TMBIM6: variants seen among roughly 807,000 people sequenced by gnomAD.
The protein encoded by TMBIM6 is transmembrane BAX inhibitor motif containing 6, also known as bax inhibitor 1.
Under a neutral mutation model 31.4 loss-of-function variants are expected in TMBIM6, and 13 were observed. The ratio of observed to expected loss-of-function variants is 0.41; its 90% CI spans 0.27 to 0.66. The LOEUF (loss-of-function observed/expected upper bound fraction) is 0.66, where lower values mean the gene tolerates loss of function less well. Among genes scored for constraint, TMBIM6 ranks in the 30% least tolerant of loss-of-function variants. The pLI is 0.28. For synonymous variants in TMBIM6, 85 were observed against 101.7 expected (o/e 0.84, Z 0.99); for missense variants, 275 against 289.5 (o/e 0.95, Z 0.36).
At chr12:49,761,666 T>G (rs1377105005) in intron 8 of TMBIM6, 38 bp from the exon 9 acceptor site, 3 of 1,603,248 alleles carry the variant, frequency 1.9e-6, no homozygotes, top group Admixed American at 1.7e-5. Flanking sequence ...GATAAAAAAG[T>G]CTGAAGTACA....
At chr12:49,761,965 A>T in intron 9 of TMBIM6, 186 bp downstream of exon 9, 2 of 578,608 alleles carry the variant, frequency 3.5e-6, no homozygotes, top group Non-Finnish European at 5.9e-6. Flanking sequence ...AGTGAAAAAA[A>T]AATTTTTTTA....
chr12:49,755,628 C>CT lies in TMBIM6; in HGVS notation c.166-6dup, dbSNP rs752797945. On this transcript the variant is annotated splice_polypyrimidine_tract_variant and splice_region_variant and intron_variant, in intron 3 of 9. Transcript: ENST00000267115. ...GTTTAATGATTGATTGATTCTGACT[C>CT]TAACAGGCTGGCCTGCTGTCTGCCT... 66 of 1,612,764 alleles carry CT rather than the reference C, an allele frequency of 4.1e-5. 1 individual carries two copies. Among genetic ancestry groups the CT allele is most frequent in the South Asian group, 3.6e-4 (33 of 90,830 alleles).
At chr12:49,755,226 G>A (rs1197240199) in intron 3 of TMBIM6, among the ~76,000 whole-genome samples, 6 of 152,150 alleles carry the variant, frequency 3.9e-5, no homozygotes, top group Non-Finnish European at 8.8e-5. Context: ...CAAAGTGCTG[G>A]GATTACAGGC....
chr12:49,746,372 G>A (rs1945394530), intron 1 of TMBIM6, among the ~76,000 whole-genome samples: 2 of 151,958 alleles, frequency 1.3e-5, no homozygotes, highest in African/African-American at 4.8e-5. Context: ...GCTAAAACTA[G>A]ACTTTTAAAA....
intron 2 of TMBIM6, 79 bp downstream of exon 2, chr12:49,752,628 T>G: frequency 3.2e-6 from 4 of 1,247,410 alleles, no homozygotes; most frequent in Non-Finnish European, 4.6e-6. Context: ...TTTATAACTT[T>G]TGTGTGTATA....
chr12:49,752,789 G>A (rs996608159), intron 2 of TMBIM6, among the ~76,000 whole-genome samples, 184 bp from the exon 3 acceptor site: 2 of 152,054 alleles, frequency 1.3e-5, no homozygotes, highest in African/African-American at 2.4e-5. Flanking sequence ...CAGCATTTAA[G>A]GTTCTGTTAA....
At chr12:49,760,588 G>A (rs1398512105) in intron 8 of TMBIM6, among the ~76,000 whole-genome samples, 2 of 142,838 alleles carry the variant, frequency 1.4e-5, no homozygotes, top group African/African-American at 2.6e-5. Flanking sequence ...CCAGGCTGGA[G>A]TGCGGTGGCA....
intron 1 of TMBIM6, chr12:49,742,220 G>GGGCTGC (rs775605145): frequency 2.0e-5 from 32 of 1,613,488 alleles, no homozygotes; most frequent in Non-Finnish European, 2.5e-5. Flanking sequence ...TCTGGGGCTG[G>GGGCTGC]GGCTGCCTTC....
At chr12:49,755,992 C>T (rs1472365233) in intron 4 of TMBIM6, among the ~76,000 whole-genome samples, 1 of 151,886 alleles carries the variant, frequency 6.6e-6, no homozygotes, top group South Asian at 2.1e-4. Flanking sequence ...TGCCACCACA[C>T]CCGGCTAATA....
At chr12:49,762,246 A>G (rs1945733932) in intron 9 of TMBIM6, 1 of 164,016 alleles carries the variant, frequency 6.1e-6, no homozygotes, top group Non-Finnish European at 1.3e-5. Flanking sequence ...GACCTTATGG[A>G]GCTTAGAGAT....
chr12:49,752,390 CTTTT>C, intron 1 of TMBIM6, 70 bp from the exon 2 acceptor site: 9 of 871,774 alleles, frequency 1.0e-5, no homozygotes, highest in South Asian at 2.0e-5. Flanking sequence ...TTACATGTTG[CTTTT>C]TTTTTTTTTT....
Position 49,755,813 on chromosome 12 carries a change from A to G in TMBIM6, c.286+58A>G. Reference sequence around the variant, plus strand: ...TGAGCTATATTTTCAGTATCTCTTAATTAGTTCCCCCCCCTTTTTTTTTCT... The same window carrying G: ...TGAGCTATATTTTCAGTATCTCTTAGTTAGTTCCCCCCCCTTTTTTTTTCT... On this transcript the variant is annotated intron_variant, in intron 4 of 9. Coordinates refer to ENST00000267115, the MANE Select transcript of TMBIM6 (RefSeq NM_003217.3). The G allele has an allele frequency of 2.0e-6, 3 of 1,538,442 alleles. No homozygotes were observed. The East Asian group carries it at 6.9e-5, about 35-fold the overall frequency.
chr12:49,759,572 A>T (rs888313611), intron 8 of TMBIM6, among the ~76,000 whole-genome samples: 3 of 152,086 alleles, frequency 2.0e-5, no homozygotes, highest in Admixed American at 2.0e-4. Flanking sequence ...TGGGAGGCTG[A>T]GGCCACTGGA....
chr12:49,762,179 T>G (rs1945732523), intron 9 of TMBIM6: 1 of 175,638 alleles, frequency 5.7e-6, no homozygotes, highest in Non-Finnish European at 1.2e-5. Flanking sequence ...CTAATGAGTA[T>G]CTAACGTAGT....
In TMBIM6 at chr12:49,761,750, CT is replaced by C; in HGVS notation, c.662del (p.Leu221ProfsTer2). On this transcript the variant is annotated frameshift_variant, in exon 9 of 10. Coordinates refer to ENST00000267115, the MANE Select transcript of TMBIM6 (RefSeq NM_003217.3). LOFTEE classifies it high-confidence loss of function. ...FLDFITVFRK[L>X]MMILAMNEKD... The stretch of plus-strand genomic sequence containing the variant: ...AGATTTCATTACTGTCTTCAGAAAA[CT>C]CATGATGATCCTGGCCATGAATGAA... The C allele has an allele frequency of 6.2e-7, 1 of 1,614,204 alleles. No individual in the cohort carries two copies. The highest frequency in any genetic ancestry group is 8.5e-7 in the Non-Finnish European group (1 of 1,180,038).
chr12:49,748,690 G>T (rs527541475), intron 1 of TMBIM6, among the ~76,000 whole-genome samples: 1 of 152,170 alleles, frequency 6.6e-6, no homozygotes, highest in African/African-American at 2.4e-5. Flanking sequence ...AGTTACAAAC[G>T]CAGTATAGGC....
At chr12:49,750,094 A>C (rs1411552309) in intron 1 of TMBIM6, among the ~76,000 whole-genome samples, 7 of 152,168 alleles carry the variant, frequency 4.6e-5, no homozygotes, top group African/African-American at 1.7e-4. Context: ...CCCAACCCAC[A>C]CAGCCTTTGA....
intron 4 of TMBIM6, among the ~76,000 whole-genome samples, chr12:49,757,059 G>T (rs1676172049): frequency 6.6e-6 from 1 of 151,918 alleles, no homozygotes; most frequent in Non-Finnish European, 1.5e-5. Context: ...TAGAGACGGG[G>T]TTTCACCATG....
chr12:49,760,917 G>T (rs1047504724), intron 8 of TMBIM6, among the ~76,000 whole-genome samples: 3 of 151,806 alleles, frequency 2.0e-5, no homozygotes, highest in African/African-American at 7.3e-5. Context: ...TTGGCTCACC[G>T]CAGCCTCCGT....
Sources: gnomAD v4.1 joint callset for allele counts (sites outside exome capture counted in the v4.1 genomes callset) on GRCh38, gnomAD v4.1.1 for gene constraint, MANE v1.5 for transcripts, NCBI Gene and HGNC (gene_info 2026-07-23, HGNC 2026-07-21) for gene names.